Variants in SORCS1 observed in about 807,000 individuals in gnomAD.
SORCS1 encodes the protein VPS10 domain-containing receptor SorCS1.
SORCS1 carries 60 observed loss-of-function variants against 146.1 expected under a neutral mutation model. The ratio of observed to expected loss-of-function variants is 0.41; its 90% CI spans 0.33 to 0.51. The LOEUF (loss-of-function observed/expected upper bound fraction) is 0.51, where lower values mean the gene tolerates loss of function less well. SORCS1 is among the 20% of genes least tolerant of loss of function. SORCS1 has a pLI of 0.21. For missense variants in SORCS1, 1,352 were observed against 1,487.6 expected (o/e 0.91, Z 1.50); for synonymous variants, 637 against 584.0 (o/e 1.09, Z -1.31).
At chr10:106,910,964 G>T (rs1398402368) in intron 2 of SORCS1, among the ~76,000 whole-genome samples, 3 of 152,102 alleles carry the variant, frequency 2.0e-5, no homozygotes, top group Non-Finnish European at 4.4e-5. Flanking sequence ...TAATTACCTG[G>T]ATTTGGAAGC....
intron 5 of SORCS1, among the ~76,000 whole-genome samples, chr10:106,738,946 C>T (rs1857160058): frequency 6.6e-6 from 1 of 152,128 alleles, no homozygotes; most frequent in South Asian, 2.1e-4. Flanking sequence ...CTTTGGCCTC[C>T]CAAAGTTCTG....
At chr10:106,905,376 T>C (rs1951868198) in intron 2 of SORCS1, among the ~76,000 whole-genome samples, 1 of 152,102 alleles carries the variant, frequency 6.6e-6, no homozygotes, top group East Asian at 1.9e-4. Flanking sequence ...AAAATCTAGG[T>C]GGAATAAATA....
chr10:106,726,589 G>A (rs58373607), intron 6 of SORCS1, among the ~76,000 whole-genome samples: 1 of 151,994 alleles, frequency 6.6e-6, no homozygotes, highest in Admixed American at 6.6e-5. Context: ...CCACAAGCCA[G>A]AAAACAGCAG....
chr10:107,143,849 C>A (rs905637545), intron 1 of SORCS1, among the ~76,000 whole-genome samples: 2 of 151,718 alleles, frequency 1.3e-5, no homozygotes, highest in African/African-American at 2.4e-5. Context: ...ACCATATTAC[C>A]CAGGCTGCTG....
intron 1 of SORCS1, among the ~76,000 whole-genome samples, chr10:107,013,742 C>T (rs1957776263): frequency 6.6e-6 from 1 of 152,102 alleles, no homozygotes. Flanking sequence ...AAATTCCCTC[C>T]AGGACTCCTC....
At chr10:106,590,224 T>C (rs1845518205) in intron 24 of SORCS1, among the ~76,000 whole-genome samples, 1 of 152,202 alleles carries the variant, frequency 6.6e-6, no homozygotes, top group South Asian at 2.1e-4. Flanking sequence ...TGAATTCCTA[T>C]TCAACCTTAA....
At chr10:106,607,044 A>G (rs1564769627) in intron 23 of SORCS1, 122 bp downstream of exon 23, 5 of 1,315,852 alleles carry the variant, frequency 3.8e-6, no homozygotes, top group East Asian at 2.3e-5. Context: ...ATGCTCTTGC[A>G]TGTGCTTTTG....
At chr10:107,024,817 C>A (rs1386886466) in intron 1 of SORCS1, among the ~76,000 whole-genome samples, 1 of 152,070 alleles carries the variant, frequency 6.6e-6, no homozygotes, top group African/African-American at 2.4e-5. Context: ...CTTTAAAAGA[C>A]ATGGTCCTTT....
chr10:106,641,716 T>A (rs1849080578), intron 18 of SORCS1, among the ~76,000 whole-genome samples: 1 of 152,230 alleles, frequency 6.6e-6, no homozygotes, highest in Non-Finnish European at 1.5e-5. Flanking sequence ...ACATGATTCT[T>A]ACCTTAAAGA....
At chr10:106,580,502 T>C (rs1844839901) in intron 24 of SORCS1, among the ~76,000 whole-genome samples, 1 of 152,214 alleles carries the variant, frequency 6.6e-6, no homozygotes, top group Non-Finnish European at 1.5e-5. Context: ...TTTGCAAATG[T>C]AGTGCAGCTC....
At chr10:107,097,526 G>C (rs1031529417) in intron 1 of SORCS1, among the ~76,000 whole-genome samples, 1 of 152,120 alleles carries the variant, frequency 6.6e-6, no homozygotes, top group African/African-American at 2.4e-5. Context: ...GGGTTCCAAA[G>C]CTGGAATGAG....
At chr10:107,134,435 G>T (rs1345419098) in intron 1 of SORCS1, among the ~76,000 whole-genome samples, 1 of 152,080 alleles carries the variant, frequency 6.6e-6, no homozygotes, top group African/African-American at 2.4e-5. Context: ...TCAGGAGATC[G>T]AGACCATCCT....
intron 1 of SORCS1, among the ~76,000 whole-genome samples, chr10:107,088,585 T>C (rs1963944359): frequency 6.6e-6 from 1 of 152,214 alleles, no homozygotes; most frequent in Non-Finnish European, 1.5e-5. Flanking sequence ...TTCAGTTGTT[T>C]CACCCACCTT....
chr10:106,852,848 T>G (rs1167229770), intron 2 of SORCS1, among the ~76,000 whole-genome samples: 1 of 152,192 alleles, frequency 6.6e-6, no homozygotes, highest in Non-Finnish European at 1.5e-5. Flanking sequence ...CACTTGGTCA[T>G]GATGCACAAT....
intron 1 of SORCS1, among the ~76,000 whole-genome samples, chr10:107,110,735 G>C (rs144593337): frequency 4.6e-5 from 7 of 151,086 alleles, no homozygotes; most frequent in African/African-American, 1.7e-4. Context: ...TTTAAGCCAT[G>C]GCTGGGGTCA....
At chr10:106,631,601 G>A (rs1210680636) in intron 18 of SORCS1, among the ~76,000 whole-genome samples, 2 of 152,140 alleles carry the variant, frequency 1.3e-5, no homozygotes, top group African/African-American at 4.8e-5. Flanking sequence ...AGGACATGAC[G>A]GAAGAGGGAG....
intron 1 of SORCS1, among the ~76,000 whole-genome samples, chr10:107,088,475 G>A (rs1180295247): frequency 6.6e-6 from 1 of 152,184 alleles, no homozygotes. Flanking sequence ...TCTGTCTGAT[G>A]TCTGTGACTG....
intron 6 of SORCS1, among the ~76,000 whole-genome samples, chr10:106,719,515 C>T (rs1375605720): frequency 6.6e-6 from 1 of 151,598 alleles, no homozygotes; most frequent in African/African-American, 2.4e-5. Flanking sequence ...CAGGTTCAAG[C>T]GATTCTCCTG....
intron 1 of SORCS1, among the ~76,000 whole-genome samples, chr10:106,988,412 T>C (rs892774274): frequency 6.6e-6 from 1 of 152,142 alleles, no homozygotes; most frequent in African/African-American, 2.4e-5. Context: ...TTAACATTAG[T>C]TGGAATTAGA....
Sources: gnomAD v4.1 joint callset for allele counts (sites outside exome capture counted in the v4.1 genomes callset) on GRCh38, gnomAD v4.1.1 for gene constraint, MANE v1.5 for transcripts, NCBI Gene and HGNC (gene_info 2026-07-23, HGNC 2026-07-21) for gene names.